GABBR2: variants seen among roughly 807,000 people sequenced by gnomAD.
GABBR2 encodes the protein gamma-aminobutyric acid type B receptor subunit 2.
In GABBR2, 23 loss-of-function variants were observed where a neutral mutation model predicts 105.6. The ratio of observed to expected loss-of-function variants is 0.22; its 90% CI spans 0.16 to 0.31. The LOEUF is 0.31. Among genes scored for constraint, GABBR2 ranks in the 10% least tolerant of loss-of-function variants. The pLI, the probability that GABBR2 is intolerant of heterozygous loss-of-function variation, is 1.00. For synonymous variants in GABBR2, 478 were observed against 499.7 expected, an observed-to-expected ratio of 0.96 and a Z score of 0.58; for missense variants, 734 against 1,245.5, an observed-to-expected ratio of 0.59 and a Z score of 6.18.
intron 12 of GABBR2, among the ~76,000 whole-genome samples, chr9:98,363,947 G>GA (rs1177190268): frequency 2.1e-4 from 32 of 152,208 alleles, no homozygotes; most frequent in African/African-American, 6.7e-4. Context: ...GAGACTCATG[G>GA]AAAAACAAAC....
chr9:98,316,641 G>A (rs1311995001), intron 13 of GABBR2, among the ~76,000 whole-genome samples: 1 of 152,148 alleles, frequency 6.6e-6, no homozygotes, highest in Admixed American at 6.5e-5. Flanking sequence ...GTAAGACCAG[G>A]ACAGTTCCCA....
intron 13 of GABBR2, among the ~76,000 whole-genome samples, chr9:98,338,128 G>A (rs1350956952): frequency 2.0e-5 from 3 of 152,100 alleles, no homozygotes; most frequent in Admixed American, 1.3e-4. Flanking sequence ...AACTCAGAAT[G>A]GATCAAATAC....
chr9:98,658,374 T>C (rs1830210075), intron 1 of GABBR2, among the ~76,000 whole-genome samples: 1 of 148,268 alleles, frequency 6.7e-6, no homozygotes, highest in South Asian at 2.2e-4. Context: ...ACAGCTTCAG[T>C]GGAGAGCCAC....
At chr9:98,398,164 C>G (rs1383102045) in intron 8 of GABBR2, among the ~76,000 whole-genome samples, 3 of 152,110 alleles carry the variant, frequency 2.0e-5, no homozygotes, top group African/African-American at 7.2e-5. Flanking sequence ...TCACTTGGTT[C>G]TGGCTCCAAA....
intron 1 of GABBR2, among the ~76,000 whole-genome samples, chr9:98,582,701 A>G (rs7851347): frequency 0.069 from 10,511 of 152,296 alleles, 382 homozygotes; most frequent in South Asian, 0.094. Flanking sequence ...GGTCCTTTGT[A>G]GTTGAATGGT....
At chr9:98,666,981 T>C (rs1242696919) in intron 1 of GABBR2, among the ~76,000 whole-genome samples, 1 of 152,102 alleles carries the variant, frequency 6.6e-6, no homozygotes, top group African/African-American at 2.4e-5. Flanking sequence ...TCCACTGGGA[T>C]AGTGCTCCGT....
intron 14 of GABBR2, among the ~76,000 whole-genome samples, chr9:98,310,682 C>T (rs1429473936): frequency 6.6e-6 from 1 of 152,164 alleles, no homozygotes. Flanking sequence ...GGGGATGATC[C>T]TGCCCACCTC....
intron 16 of GABBR2, among the ~76,000 whole-genome samples, chr9:98,302,107 C>A (rs906452749): frequency 2.6e-5 from 4 of 152,194 alleles, no homozygotes; most frequent in African/African-American, 9.7e-5. Context: ...TTTAACTGGG[C>A]ATCCCATATC....
At chr9:98,381,930 C>T (rs975681792) in intron 11 of GABBR2, among the ~76,000 whole-genome samples, 1 of 152,160 alleles carries the variant, frequency 6.6e-6, no homozygotes, top group Non-Finnish European at 1.5e-5. Context: ...CCTGTTTTTG[C>T]TCCCTAGCCT....
At chr9:98,379,688 C>T (rs534482461) in intron 11 of GABBR2, among the ~76,000 whole-genome samples, 62 of 152,314 alleles carry the variant, frequency 4.1e-4, no homozygotes, top group South Asian at 3.1e-3. Flanking sequence ...ATGATAACAG[C>T]TAAGATGTAT....
chr9:98,306,553 TG>T lies in GABBR2; in HGVS notation c.2005-209del. ...TGAGTCCTGCTGAGCAAATGCAGAC[TG>T]GGGATGTGACAGCTGTCCAGTTCTC... On this transcript the variant is annotated intron_variant, in intron 14 of 18. Transcript: ENST00000259455. The surrounding 1 kb of genome is among the most constrained non-coding windows in gnomAD (Gnocchi z 5.4). 1.7e-6 allele frequency: 1 copy of T among 594,594 alleles called. No individual in the cohort carries two copies. Among genetic ancestry groups the T allele is most frequent in the Non-Finnish European group, 3.0e-6 (1 of 332,192 alleles). 36.8% of individuals were successfully genotyped at this position (594,594 alleles called of 1,614,324 possible).
Position 98,522,497 on chromosome 9 carries a change from T to G in GABBR2, c.630+19376A>C, listed in dbSNP as rs116356539. Among the ~76,000 whole-genome samples the G allele has an allele frequency of 3.6e-3, 548 of 152,262 alleles. 2 individuals are homozygous for G. The highest frequency in any genetic ancestry group is 0.013 in the African/African-American group (520 of 41,554). On this transcript the variant is annotated intron_variant, in intron 3 of 18. Transcript: ENST00000259455. ...CAACTGGTACAGGCGACTAAAAAAC[T>G]TTATCTCCAAAGGAACCAAATCAGA...
chr9:98,441,558 G>T (rs1017833351), intron 7 of GABBR2, among the ~76,000 whole-genome samples: 1 of 152,134 alleles, frequency 6.6e-6, no homozygotes, highest in African/African-American at 2.4e-5. Flanking sequence ...AGTAGAGACA[G>T]GGTTTCACCT....
chr9:98,301,652 C>T (rs1027068681), intron 16 of GABBR2, among the ~76,000 whole-genome samples: 3 of 152,100 alleles, frequency 2.0e-5, no homozygotes, highest in Admixed American at 6.5e-5. Context: ...GATTCATTTC[C>T]GGGAAAAATA....
chr9:98,375,749 C>T (rs553125947), intron 11 of GABBR2, among the ~76,000 whole-genome samples: 35 of 152,224 alleles, frequency 2.3e-4, no homozygotes, highest in Admixed American at 1.4e-3. Context: ...AGACTCCCCC[C>T]CTTCTCCCCC....
intron 1 of GABBR2, among the ~76,000 whole-genome samples, chr9:98,677,057 C>G (rs1003033029): frequency 2.6e-5 from 4 of 152,234 alleles, no homozygotes; most frequent in African/African-American, 9.6e-5. Flanking sequence ...GCCTCAACTT[C>G]CCCTGCCTTA....
rs371833136 is a variant in GABBR2 at position 98,422,307 on chromosome 9, T to C, written c.1237-16166A>G. ...TTAGAAATACAGACAATTCTAGGTA[T>C]TGGTGAAGACAGAGACATGGGGCCT... On this transcript the variant is annotated intron_variant, in intron 7 of 18. Transcript: ENST00000259455. 3.3e-5 allele frequency among the ~76,000 whole-genome samples: 5 copies of C among 152,202 alleles called. No homozygotes were observed. The South Asian group carries it at 6.2e-4, about 19-fold the overall frequency.
chr9:98,467,204 T>C (rs1826577429), intron 6 of GABBR2, among the ~76,000 whole-genome samples: 1 of 152,340 alleles, frequency 6.6e-6, no homozygotes, highest in Non-Finnish European at 1.5e-5. Flanking sequence ...AGTTGCGTTA[T>C]GAACTCTGGT....
At chr9:98,652,367 C>A (rs533122698) in intron 1 of GABBR2, among the ~76,000 whole-genome samples, 1 of 152,148 alleles carries the variant, frequency 6.6e-6, no homozygotes, top group Admixed American at 6.5e-5. Context: ...TAGTCAACAA[C>A]CTCCCAGTTG....
Sources: allele counts gnomAD v4.1 joint callset (sites outside exome capture counted in the v4.1 genomes callset), GRCh38; gene constraint gnomAD v4.1.1; non-coding constraint Gnocchi (gnomAD v3.1); transcripts MANE v1.5; gene names NCBI Gene and HGNC (gene_info 2026-07-23, HGNC 2026-07-21).